The following CREB3L2 variants were observed in gnomAD, a reference collection of about 807,000 sequenced individuals.
CREB3L2 encodes the protein cAMP responsive element binding protein 3 like 2, also known as cyclic AMP-responsive element-binding protein 3-like protein 2.
Under a neutral mutation model 57.2 loss-of-function variants are expected in CREB3L2, and 23 were observed. The ratio of observed to expected loss-of-function variants is 0.40; its 90% CI spans 0.29 to 0.57. The LOEUF (loss-of-function observed/expected upper bound fraction) is 0.57, where lower values mean the gene tolerates loss of function less well. Ranked by LOEUF, CREB3L2 falls within the 20% of genes least tolerant of loss-of-function variation. CREB3L2 has a pLI of 0.42. For missense variants in CREB3L2, 628 were observed against 634.7 expected, an observed-to-expected ratio of 0.99 and a Z score of 0.11; for synonymous variants, 268 against 265.1, an observed-to-expected ratio of 1.01 and a Z score of -0.11.
rs142491743 is a variant in CREB3L2, at chr7:137,950,392, G to A, written c.103-22026C>T. Among the ~76,000 whole-genome samples the A allele has an allele frequency of 4.8e-3, 738 of 152,272 alleles. 4 individuals carry two copies. The highest frequency in any genetic ancestry group is 0.017 in the African/African-American group (706 of 41,556). ...GTATGATTACCATCAGTCCACACTT[G>A]TCTTTTTCTGGGGAAACTGGACCAC... On this transcript the variant is annotated intron_variant, in intron 1 of 11. Coordinates refer to ENST00000330387, the MANE Select transcript of CREB3L2 (RefSeq NM_194071.4).
intron 7 of CREB3L2, among the ~76,000 whole-genome samples, chr7:137,902,217 G>T (rs1163673168): frequency 2.1e-5 from 2 of 93,466 alleles, no homozygotes; most frequent in Non-Finnish European, 4.8e-5. Flanking sequence ...AAAAAAGAGG[G>T]AGCTGAGTGA....
At chr7:137,927,315 G>T (rs1289958794) in intron 2 of CREB3L2, among the ~76,000 whole-genome samples, 2 of 146,620 alleles carry the variant, frequency 1.4e-5, no homozygotes, top group Non-Finnish European at 3.0e-5. Flanking sequence ...GGGAAGGGAG[G>T]CAGGGAGGGA....
At chr7:137,920,636 A>G (rs1419419405) in intron 2 of CREB3L2, among the ~76,000 whole-genome samples, 1 of 152,250 alleles carries the variant, frequency 6.6e-6, no homozygotes, top group Admixed American at 6.5e-5. Context: ...TTACAATGAA[A>G]TGACTACATT....
At position 137,903,351 on chromosome 7, in the gene CREB3L2, A is replaced by C. The variant is rs762573667; in HGVS notation, c.974+608T>G. ...GTCTGGGGCCTCATGCCCATCTTAA[A>C]AATATCTTGGTTTGTTAGCTAAAGA... is the stretch of plus-strand genomic sequence containing the variant. On this transcript the variant is annotated intron_variant, in intron 7 of 11. Coordinates refer to ENST00000330387, the MANE Select transcript of CREB3L2 (RefSeq NM_194071.4). Among the ~76,000 whole-genome samples, 10 of 152,330 alleles carry C rather than the reference A, an allele frequency of 6.6e-5. No homozygotes were observed. The Middle Eastern group carries it at 0.014, about 207-fold the overall frequency.
intron 1 of CREB3L2, among the ~76,000 whole-genome samples, chr7:137,995,329 C>CTTTA (rs1431208451): frequency 4.6e-5 from 1 of 21,922 alleles, no homozygotes; most frequent in Non-Finnish European, 9.3e-5. Context: ...TTTTTCTTTT[C>CTTTA]TTTCTTTTTT....
At chr7:137,968,384 C>T (rs544630341) in intron 1 of CREB3L2, among the ~76,000 whole-genome samples, 1 of 152,224 alleles carries the variant, frequency 6.6e-6, no homozygotes, top group Non-Finnish European at 1.5e-5. Flanking sequence ...CAACAGGCCC[C>T]AGTATGTGAT....
rs543478619 is a variant in CREB3L2, at chr7:137,971,232, C to T, written c.102+30372G>A. 1.1e-4 allele frequency among the ~76,000 whole-genome samples: 16 copies of T among 152,202 alleles called. No homozygotes were observed. In the South Asian group the frequency reaches 3.3e-3, roughly 32 times the overall value. On this transcript the variant is annotated intron_variant, in intron 1 of 11. Coordinates refer to ENST00000330387, the MANE Select transcript of CREB3L2 (RefSeq NM_194071.4). ...TTGGGAGGCCAAGAAGGGCGGATCA[C>T]GAGTTCAGGAGATGGAGACCATCCT...
chr7:137,966,805 C>T (rs1005162748), intron 1 of CREB3L2, among the ~76,000 whole-genome samples: 9 of 152,116 alleles, frequency 5.9e-5, no homozygotes, highest in East Asian at 5.8e-4. Flanking sequence ...ACGCAGGAGC[C>T]GCATACTCCT....
At chr7:137,948,966 G>A (rs1454516026) in intron 1 of CREB3L2, among the ~76,000 whole-genome samples, 1 of 152,200 alleles carries the variant, frequency 6.6e-6, no homozygotes, top group Non-Finnish European at 1.5e-5. Context: ...CACCATAGGA[G>A]TCATCAGAAA....
chr7:137,999,939 C>T (rs1802048839), intron 1 of CREB3L2: 1 of 152,198 alleles, frequency 6.6e-6, no homozygotes, highest in South Asian at 2.1e-4. Flanking sequence ...GGCCTCTACT[C>T]CCTGAAAGTG....
intron 1 of CREB3L2, among the ~76,000 whole-genome samples, chr7:137,948,149 G>T (rs936174808): frequency 6.6e-6 from 1 of 152,180 alleles, no homozygotes; most frequent in Non-Finnish European, 1.5e-5. Flanking sequence ...CTCTGCTCTT[G>T]TGTCTACCAC....
At chr7:137,989,406 G>A (rs894297138) in intron 1 of CREB3L2, among the ~76,000 whole-genome samples, 8 of 147,876 alleles carry the variant, frequency 5.4e-5, no homozygotes, top group African/African-American at 2.0e-4. Context: ...TGGAGCCTAT[G>A]ATGGAATTTT....
chr7:137,908,410 G>A lies in CREB3L2; in HGVS notation c.610C>T (p.Pro204Ser). The change falls in exon 5 of 12, where the codon CCC becomes TCC. Residue 204 changes from proline to serine, a missense_variant. This residue lies in a region of CREB3L2 where 339 missense variants were observed against 355.4 expected (regional missense o/e 0.95). Coordinates refer to ENST00000330387, the MANE Select transcript of CREB3L2 (RefSeq NM_194071.4). ...CTGCCGTGACTGCTCGGAGGGGTGG[G>A]CGGCAAATGCAGGTGGTCCACTGGG... ...EAPVDHLHLP[P>S]TPPSSHGSDS... 2.4e-6 allele frequency: 3 copies of A among 1,266,060 alleles called. No homozygotes were observed. The highest frequency in any genetic ancestry group is 3.0e-6 in the Non-Finnish European group (3 of 997,792). 78.4% of individuals were successfully genotyped at this position (1,266,060 alleles called of 1,614,324 possible). A position where few individuals can be genotyped will look rare whatever the true frequency, so the allele number is the denominator to read the frequency against.
rs1383076469 is a variant in CREB3L2 at position 137,879,053 on chromosome 7, G to C, written c.*1423C>G. ...ATTTCCTACACAAAATCTTTCCCAA[G>C]CTCGGAAAAAACACTTGAGGGTTTT... On this transcript the variant is annotated 3_prime_UTR_variant, in exon 12 of 12. Coordinates refer to ENST00000330387, the MANE Select transcript of CREB3L2 (RefSeq NM_194071.4). 7.0e-6 allele frequency: 3 copies of C among 430,304 alleles called. No individual in the cohort carries two copies. The highest frequency in any genetic ancestry group is 6.0e-5 in the African/African-American group (3 of 49,796). The allele number at this position is 430,304 out of a possible 1,614,324, so 26.7% of individuals were successfully genotyped here.
chr7:137,894,752 C>T (rs1799590895), intron 8 of CREB3L2, among the ~76,000 whole-genome samples: 2 of 152,160 alleles, frequency 1.3e-5, no homozygotes, highest in Non-Finnish European at 2.9e-5. Context: ...CAGCACAGGG[C>T]CCTCTAAAAC....
intron 4 of CREB3L2, among the ~76,000 whole-genome samples, chr7:137,910,785 T>A (rs564780043): frequency 6.6e-6 from 1 of 152,150 alleles, no homozygotes; most frequent in Non-Finnish European, 1.5e-5. Flanking sequence ...AATCTTGTCT[T>A]TCCTATCTAT....
intron 8 of CREB3L2, among the ~76,000 whole-genome samples, chr7:137,899,253 C>T (rs1341340006): frequency 2.6e-5 from 4 of 152,272 alleles, no homozygotes; most frequent in Non-Finnish European, 4.4e-5. Flanking sequence ...CTCACACACC[C>T]GGACTTCGCC....
Position 137,953,279 on chromosome 7 carries a change from G to A in CREB3L2, c.103-24913C>T, listed in dbSNP as rs779356503. ...TTTATGTTAAGTGGGATTAGCTCCC[G>A]GTGGTGTTTCACTGAAAACCTGCTT... On this transcript the variant is annotated intron_variant, in intron 1 of 11. Coordinates refer to ENST00000330387, the MANE Select transcript of CREB3L2 (RefSeq NM_194071.4). 4.9e-5 allele frequency: 18 copies of A among 367,114 alleles called. No homozygotes were observed. The East Asian group carries it at 5.8e-4, about 12-fold the overall frequency. 22.7% of individuals were successfully genotyped at this position (367,114 alleles called of 1,614,324 possible).
chr7:137,994,783 TAAA>T (rs1391314904), intron 1 of CREB3L2, among the ~76,000 whole-genome samples: 3 of 152,154 alleles, frequency 2.0e-5, no homozygotes, highest in Non-Finnish European at 4.4e-5. Context: ...TGTCTCTATT[TAAA>T]AACAAAAAAC....
Sources: gnomAD v4.1 joint callset for allele counts (sites outside exome capture counted in the v4.1 genomes callset) on GRCh38, gnomAD v4.1.1 for gene constraint, gnomAD v4.1.1 regional missense constraint, MANE v1.5 for transcripts, NCBI Gene and HGNC (gene_info 2026-07-23, HGNC 2026-07-21) for gene names.